GPR176: variants seen among roughly 807,000 people sequenced by gnomAD.
The protein encoded by GPR176 is G protein-coupled receptor 176.
GPR176 carries 26 observed loss-of-function variants against 35.4 expected under a neutral mutation model. That is an observed-to-expected ratio of 0.74 (90% CI 0.54 to 1.02). The LOEUF is 1.02. Among genes scored for constraint, GPR176 ranks in the 50% least tolerant of loss-of-function variants. The pLI, the probability that GPR176 is intolerant of heterozygous loss-of-function variation, is 0.00. For synonymous variants in GPR176, 278 were observed against 271.3 expected (o/e 1.02, Z -0.24); for missense variants, 597 against 665.3 (o/e 0.90, Z 1.13).
chr15:39,856,985 TA>T (rs1332278920), intron 1 of GPR176, among the ~76,000 whole-genome samples: 2 of 152,214 alleles, frequency 1.3e-5, no homozygotes, highest in Non-Finnish European at 2.9e-5. Context: ...AGGCATTCCA[TA>T]TGTCTTTACT....
chr15:39,823,885 T>C (rs1441701467), intron 1 of GPR176, among the ~76,000 whole-genome samples: 1 of 152,194 alleles, frequency 6.6e-6, no homozygotes, highest in Non-Finnish European at 1.5e-5. Flanking sequence ...GGCCTTCACT[T>C]GAATCCCTAA....
intron 1 of GPR176, among the ~76,000 whole-genome samples, chr15:39,864,116 C>A (rs1448660046): frequency 6.6e-6 from 1 of 152,176 alleles, no homozygotes; most frequent in Non-Finnish European, 1.5e-5. Context: ...GACTCTATGT[C>A]ACATAGAGTG....
At chr15:39,908,097 T>A (rs1387717270) in intron 1 of GPR176, among the ~76,000 whole-genome samples, 1 of 152,248 alleles carries the variant, frequency 6.6e-6, no homozygotes, top group Non-Finnish European at 1.5e-5. Flanking sequence ...CCTGGTCCAG[T>A]AAAATCTCCC....
At chr15:39,827,563 A>C (rs1900756929) in intron 1 of GPR176, among the ~76,000 whole-genome samples, 1 of 152,194 alleles carries the variant, frequency 6.6e-6, no homozygotes, top group South Asian at 2.1e-4. Flanking sequence ...CTCAGTTTTC[A>C]AGGTTACTCT....
At chr15:39,862,950 C>T (rs1021679671) in intron 1 of GPR176, among the ~76,000 whole-genome samples, 8 of 152,070 alleles carry the variant, frequency 5.3e-5, no homozygotes, top group Admixed American at 5.2e-4. Context: ...CCTGTTATTG[C>T]CCCTGAAGAC....
intron 1 of GPR176, chr15:39,860,769 TG>T: frequency 1.3e-5 from 2 of 152,356 alleles, no homozygotes; most frequent in Admixed American, 1.3e-4. Flanking sequence ...TTTGCTCTTC[TG>T]TGAGTACTTA....
chr15:39,860,340 C>T (rs2031511154), intron 1 of GPR176, among the ~76,000 whole-genome samples: 1 of 152,232 alleles, frequency 6.6e-6, no homozygotes, highest in African/African-American at 2.4e-5. Context: ...GGAAAAAGCA[C>T]ATTCCTCCCC....
At chr15:39,830,760 C>T (rs543227494) in intron 1 of GPR176, among the ~76,000 whole-genome samples, 38 of 152,252 alleles carry the variant, frequency 2.5e-4, no homozygotes, top group African/African-American at 9.1e-4. Context: ...TCTAAAATAT[C>T]TCATTGATTT....
intron 1 of GPR176, among the ~76,000 whole-genome samples, chr15:39,915,845 A>G (rs957763584): frequency 6.6e-6 from 1 of 152,242 alleles, no homozygotes; most frequent in Non-Finnish European, 1.5e-5. Flanking sequence ...GTGCCACTGC[A>G]CGCCAGCCTG....
rs1337236942 is a variant in GPR176, at chr15:39,856,212, G to C, written c.173-48954C>G. ...GTGCAGGCCAAACAAAGCACATTCT[G>C]ACAATCCTATCCAAAATAGCCACAC... On this transcript the variant is annotated intron_variant, in intron 1 of 2. Coordinates refer to ENST00000561100, the MANE Select transcript of GPR176 (RefSeq NM_007223.3). Among the ~76,000 whole-genome samples, 3 of 152,150 alleles carry C rather than the reference G, an allele frequency of 2.0e-5. No homozygotes were observed. The East Asian group carries it at 5.8e-4, about 29-fold the overall frequency.
In GPR176 at chr15:39,869,581, TTC is replaced by T. The variant is rs2031969731; in HGVS notation, c.172+50272_172+50273del. On this transcript the variant is annotated intron_variant, in intron 1 of 2. Coordinates refer to ENST00000561100, the MANE Select transcript of GPR176 (RefSeq NM_007223.3). ...TACTTCTCCATTCCTTATTTTTTTC[TTC>T]TCTCTTCTCCTCATCTTCATTTCCT... is the stretch of plus-strand genomic sequence containing the variant. Among the ~76,000 whole-genome samples, 3 of 152,326 alleles carry T rather than the reference TTC, an allele frequency of 2.0e-5. No homozygotes were observed. In the South Asian group the frequency reaches 6.2e-4, roughly 32 times the overall value.
Position 39,909,449 on chromosome 15 carries a change from T to C in GPR176, c.172+10406A>G, listed in dbSNP as rs574632087. Among the ~76,000 whole-genome samples, 18 of 152,328 alleles carry C rather than the reference T, an allele frequency of 1.2e-4. No individual in the cohort carries two copies. In the South Asian group the frequency reaches 1.4e-3, roughly 12 times the overall value. ...CTCATAAATTCTAAAAGCAACATAATACTTTGTAATAAATTTCTTTCTTCA... is the reference window on the plus strand; with the variant it reads ...CTCATAAATTCTAAAAGCAACATAACACTTTGTAATAAATTTCTTTCTTCA... On this transcript the variant is annotated intron_variant, in intron 1 of 2. Coordinates refer to ENST00000561100, the MANE Select transcript of GPR176 (RefSeq NM_007223.3).
chr15:39,853,188 G>A (rs1416544522), intron 1 of GPR176, among the ~76,000 whole-genome samples: 4 of 152,034 alleles, frequency 2.6e-5, no homozygotes, highest in African/African-American at 7.2e-5. Flanking sequence ...ACAGATGAAT[G>A]GATAAAGAAA....
At chr15:39,919,690 C>T (rs2033822656) in intron 1 of GPR176, among the ~76,000 whole-genome samples, 165 bp downstream of exon 1, 1 of 152,150 alleles carries the variant, frequency 6.6e-6, no homozygotes, top group Non-Finnish European at 1.5e-5. Context: ...GTCCACCGTC[C>T]CTGCTTAACT....
chr15:39,848,871 T>C (rs1595476817), intron 1 of GPR176, among the ~76,000 whole-genome samples: 1 of 130,960 alleles, frequency 7.6e-6, no homozygotes, highest in Non-Finnish European at 1.6e-5. Flanking sequence ...AATGAGAAAA[T>C]GTCTCAGATA....
intron 1 of GPR176, among the ~76,000 whole-genome samples, chr15:39,900,533 C>A (rs969091378): frequency 5.3e-5 from 8 of 152,194 alleles, no homozygotes; most frequent in African/African-American, 1.9e-4. Flanking sequence ...ACTTTTAAAG[C>A]TGCCCACGTA....
intron 1 of GPR176, among the ~76,000 whole-genome samples, chr15:39,888,253 G>GC (rs2032742008): frequency 7.9e-6 from 1 of 126,140 alleles, no homozygotes; most frequent in Admixed American, 1.1e-4. Context: ...TGGTTTTTTT[G>GC]GGGGGTGAAG....
At chr15:39,830,081 C>T (rs1427921103) in intron 1 of GPR176, among the ~76,000 whole-genome samples, 2 of 151,906 alleles carry the variant, frequency 1.3e-5, no homozygotes, top group African/African-American at 2.4e-5. Context: ...CATCATAAGA[C>T]AACTAGTATG....
At chr15:39,821,230 TAAGATC>T in intron 1 of GPR176, among the ~76,000 whole-genome samples, 1 of 152,308 alleles carries the variant, frequency 6.6e-6, no homozygotes, top group Non-Finnish European at 1.5e-5. Context: ...TTTAATGCAG[TAAGATC>T]AATGAGGAGA....
Sources: gnomAD v4.1 joint callset for allele counts (sites outside exome capture counted in the v4.1 genomes callset) on GRCh38, gnomAD v4.1.1 for gene constraint, MANE v1.5 for transcripts, NCBI Gene and HGNC (gene_info 2026-07-23, HGNC 2026-07-21) for gene names.